MAF: variants seen among roughly 807,000 people sequenced by gnomAD.
MAF encodes the protein MAF bZIP transcription factor.
Under a neutral mutation model 22.0 loss-of-function variants are expected in MAF, and 10 were observed. That is an observed-to-expected ratio of 0.45 (90% confidence interval 0.28 to 0.77). The LOEUF (loss-of-function observed/expected upper bound fraction) is 0.77. MAF is among the 30% of genes least tolerant of loss of function. The pLI, the probability that MAF is intolerant of heterozygous loss-of-function variation, is 0.12. For synonymous variants in MAF, 337 were observed against 255.8 expected, an observed-to-expected ratio of 1.32 and a Z score of -3.03; for missense variants, 544 against 548.4, an observed-to-expected ratio of 0.99 and a Z score of 0.08.
At chr16:79,279,271 G>A in the MAF span, among the ~76,000 whole-genome samples, 2 of 152,070 alleles carry the variant, frequency 1.3e-5, no homozygotes, top group African/African-American at 4.8e-5. Context: ...TTTCTGGCTG[G>A]GTCACTGTGA....
chr16:79,550,987 G>T, the MAF span, among the ~76,000 whole-genome samples: 3 of 152,074 alleles, frequency 2.0e-5, no homozygotes, highest in Non-Finnish European at 2.9e-5. Context: ...GGCCCCCGTG[G>T]CCTCACAGAC....
the MAF span, among the ~76,000 whole-genome samples, chr16:79,432,788 G>C: frequency 6.6e-6 from 1 of 152,220 alleles, no homozygotes; most frequent in East Asian, 1.9e-4. Flanking sequence ...GTGGAGATCA[G>C]GCGATGCATG....
the MAF span, among the ~76,000 whole-genome samples, chr16:79,225,874 A>G: frequency 6.6e-6 from 1 of 152,220 alleles, no homozygotes; most frequent in East Asian, 1.9e-4. Context: ...AAAAGTCAGG[A>G]AAGAACAGAT....
At chr16:79,253,288 C>T in the MAF span, among the ~76,000 whole-genome samples, 2 of 152,180 alleles carry the variant, frequency 1.3e-5, no homozygotes, top group South Asian at 4.1e-4. Context: ...CCCCAGCCTC[C>T]ACCCCACCAT....
the MAF span, among the ~76,000 whole-genome samples, chr16:79,306,114 G>C: frequency 6.6e-5 from 10 of 152,306 alleles, no homozygotes; most frequent in African/African-American, 2.4e-4. Context: ...GCCTTTTAGG[G>C]CTCCAATATT....
the MAF span, among the ~76,000 whole-genome samples, chr16:79,341,354 G>A: frequency 1.3e-5 from 2 of 152,276 alleles, no homozygotes; most frequent in South Asian, 4.2e-4. Flanking sequence ...CTGTGAAGTG[G>A]AACCCCCAGC....
chr16:79,504,784 C>A, the MAF span, among the ~76,000 whole-genome samples: 7 of 152,164 alleles, frequency 4.6e-5, no homozygotes, highest in African/African-American at 1.2e-4. Context: ...AGAAGCTGTT[C>A]TCTGTATTTT....
chr16:79,293,909 T>C, the MAF span, among the ~76,000 whole-genome samples: 1 of 152,058 alleles, frequency 6.6e-6, no homozygotes, highest in Non-Finnish European at 1.5e-5. Flanking sequence ...TATCTGAGAA[T>C]GTGATCAGAC....
chr16:79,556,943 T>TGGGGGGCCA, the MAF span, among the ~76,000 whole-genome samples: 5 of 151,588 alleles, frequency 3.3e-5, no homozygotes, highest in African/African-American at 9.7e-5. Context: ...CTGTTACGAG[T>TGGGGGGCCA]TTCTACCATC....
At chr16:79,519,233 G>A in the MAF span, among the ~76,000 whole-genome samples, 1 of 152,022 alleles carries the variant, frequency 6.6e-6, no homozygotes, top group African/African-American at 2.4e-5. Context: ...TCTGAGCTCG[G>A]GATACCCAGA....
chr16:79,499,477 G>A, the MAF span, among the ~76,000 whole-genome samples: 6 of 152,204 alleles, frequency 3.9e-5, no homozygotes, highest in Admixed American at 2.6e-4. Context: ...GAATGTTCAT[G>A]TTTCCCTAAA....
the MAF span, among the ~76,000 whole-genome samples, chr16:79,284,559 A>G: frequency 6.6e-6 from 1 of 152,226 alleles, no homozygotes; most frequent in South Asian, 2.1e-4. Flanking sequence ...ATGTCTGCCA[A>G]TGCTTTTCTC....
chr16:79,211,645 T>A, the MAF span: 1 of 1,614,180 alleles, frequency 6.2e-7, no homozygotes, highest in African/African-American at 1.3e-5. Flanking sequence ...TGTGCTGCTG[T>A]CCCAGAACTG....
At chr16:79,550,268 G>A in the MAF span, among the ~76,000 whole-genome samples, 1 of 152,118 alleles carries the variant, frequency 6.6e-6, no homozygotes, top group African/African-American at 2.4e-5. Context: ...GAGGAAAAGA[G>A]AGTAGATAAT....
the MAF span, among the ~76,000 whole-genome samples, chr16:79,443,919 T>C: frequency 1.3e-5 from 2 of 152,144 alleles, no homozygotes; most frequent in African/African-American, 2.4e-5. Flanking sequence ...GTTTTTTTTT[T>C]AAATGAAGAT....
At chr16:79,445,266 A>G in the MAF span, among the ~76,000 whole-genome samples, 1 of 151,036 alleles carries the variant, frequency 6.6e-6, no homozygotes, top group Non-Finnish European at 1.5e-5. Context: ...GATGGTCTGG[A>G]TCTCCTGACC....
the MAF span, among the ~76,000 whole-genome samples, chr16:79,223,647 A>C: frequency 4.6e-5 from 7 of 152,230 alleles, no homozygotes; most frequent in Non-Finnish European, 1.0e-4. Context: ...GGAAGAATTA[A>C]ATAGACTCAA....
At chr16:79,259,350 T>C in the MAF span, among the ~76,000 whole-genome samples, 3 of 152,234 alleles carry the variant, frequency 2.0e-5, no homozygotes, top group East Asian at 5.8e-4. Context: ...CTCTGCAGGA[T>C]GGGTCAGTGT....
chr16:79,465,847 A>T, the MAF span, among the ~76,000 whole-genome samples: 1 of 152,298 alleles, frequency 6.6e-6, no homozygotes, highest in South Asian at 2.1e-4. Context: ...AGAGCTTCAT[A>T]TGTCACCTCC....
Sources: gnomAD v4.1 joint callset for allele counts (sites outside exome capture counted in the v4.1 genomes callset) on GRCh38, gnomAD v4.1.1 for gene constraint, MANE v1.5 for transcripts, NCBI Gene and HGNC (gene_info 2026-07-23, HGNC 2026-07-21) for gene names.